AGPS: variants seen among roughly 807,000 people sequenced by gnomAD.
The protein encoded by AGPS is alkyldihydroxyacetonephosphate synthase, peroxisomal.
In AGPS, 26 loss-of-function variants were observed where a neutral mutation model predicts 90.7. The observed-to-expected ratio is 0.29, with a 90% CI of 0.21 to 0.40. AGPS has a LOEUF of 0.40. Ranked by LOEUF, AGPS falls within the 10% of genes least tolerant of loss-of-function variation. The pLI, the probability that AGPS is intolerant of heterozygous loss-of-function variation, is 1.00. For synonymous variants in AGPS, 294 were observed against 285.3 expected (o/e 1.03, Z -0.31); for missense variants, 540 against 816.1 (o/e 0.66, Z 4.12).
At chr2:177,509,341 T>C (rs915814302) in intron 16 of AGPS, among the ~76,000 whole-genome samples, 1 of 152,168 alleles carries the variant, frequency 6.6e-6, no homozygotes, top group African/African-American at 2.4e-5. Flanking sequence ...AATAAAAAAA[T>C]TATCAAGTCA....
intron 9 of AGPS, among the ~76,000 whole-genome samples, chr2:177,465,406 C>T (rs1344460556): frequency 6.6e-6 from 1 of 152,140 alleles, no homozygotes; most frequent in Non-Finnish European, 1.5e-5. Context: ...TAGCCAGAAA[C>T]TTCTGTCTGG....
chr2:177,538,522 AAGAC>A lies in AGPS; in HGVS notation c.*331_*334del. The A allele has an allele frequency of 2.9e-6, 1 of 348,184 alleles. No individual in the cohort carries two copies. Among genetic ancestry groups the A allele is most frequent in the South Asian group, 2.6e-5 (1 of 38,982 alleles). 21.6% of individuals were successfully genotyped at this position (348,184 alleles called of 1,614,324 possible). A position where few individuals can be genotyped will look rare whatever the true frequency, so the allele number is the denominator to read the frequency against. On this transcript the variant is annotated 3_prime_UTR_variant, in exon 20 of 20. Coordinates refer to ENST00000264167, the MANE Select transcript of AGPS (RefSeq NM_003659.4). ...TATTGTTGCTTCCTCTTGGGGAACA[AAGAC>A]AGATTTGGTATCATTGATTGCTCAG...
rs1467902891 is a variant in AGPS, at chr2:177,516,581, C to T, written c.1697+2673C>T. Reference sequence around the variant, plus strand: ...CATAAGGTGTTTTTCATTATTTGGACTTGTCTGAGATACTAATCAATCAGG... The same window carrying T: ...CATAAGGTGTTTTTCATTATTTGGATTTGTCTGAGATACTAATCAATCAGG... On this transcript the variant is annotated intron_variant, in intron 17 of 19. Coordinates refer to ENST00000264167, the MANE Select transcript of AGPS (RefSeq NM_003659.4). Among the ~76,000 whole-genome samples, 6 of 152,158 alleles carry T rather than the reference C, an allele frequency of 3.9e-5. No homozygotes were observed. In the South Asian group the frequency reaches 8.3e-4, roughly 21 times the overall value.
chr2:177,519,667 A>G (rs1689124134), intron 17 of AGPS, among the ~76,000 whole-genome samples: 1 of 152,146 alleles, frequency 6.6e-6, no homozygotes, highest in Admixed American at 6.5e-5. Context: ...TTCTACCCAG[A>G]ATCTTTAAGT....
chr2:177,434,474 AATTTG>A (rs1024951809), intron 3 of AGPS, 57 bp downstream of exon 3: 10 of 1,266,942 alleles, frequency 7.9e-6, no homozygotes, highest in Non-Finnish European at 1.1e-5. Context: ...AACCCAAATT[AATTTG>A]ATTTATCTTT....
At chr2:177,512,433 A>T (rs1238851308) in intron 16 of AGPS, among the ~76,000 whole-genome samples, 1 of 152,208 alleles carries the variant, frequency 6.6e-6, no homozygotes, top group Non-Finnish European at 1.5e-5. Context: ...AAAATGTGAC[A>T]TGCTAATAAG....
chr2:177,497,852 GT>G (rs560693209), intron 13 of AGPS, 87 bp downstream of exon 13: 104 of 575,380 alleles, frequency 1.8e-4, no homozygotes, highest in Middle Eastern at 3.8e-4. Flanking sequence ...TTGTAAGGGT[GT>G]TTTTCCATGT....
chr2:177,462,055 A>C, intron 9 of AGPS, 37 bp downstream of exon 9: 1 of 1,491,430 alleles, frequency 6.7e-7, no homozygotes, highest in Middle Eastern at 2.0e-4. Flanking sequence ...ATAATTGATT[A>C]GTATATAGAT....
At chr2:177,455,021 G>C (rs1559053670) in intron 8 of AGPS, among the ~76,000 whole-genome samples, 1 of 151,788 alleles carries the variant, frequency 6.6e-6, no homozygotes, top group African/African-American at 2.4e-5. Context: ...CTCATCAGCT[G>C]TTGTTAGTAT....
At chr2:177,491,145 T>TACAC (rs1688243991) in intron 11 of AGPS, among the ~76,000 whole-genome samples, 1 of 150,634 alleles carries the variant, frequency 6.6e-6, no homozygotes, top group Admixed American at 6.6e-5. Flanking sequence ...TGAGCCGCCA[T>TACAC]ACCCAGCCTA....
chr2:177,451,578 C>T (rs1047738714), intron 8 of AGPS, among the ~76,000 whole-genome samples: 6 of 151,918 alleles, frequency 3.9e-5, no homozygotes, highest in East Asian at 1.9e-4. Context: ...TGAAAAGAAG[C>T]GAGACTTGTT....
intron 8 of AGPS, among the ~76,000 whole-genome samples, chr2:177,451,480 G>A (rs938961778): frequency 5.9e-5 from 9 of 151,848 alleles, no homozygotes; most frequent in African/African-American, 2.2e-4. Context: ...ACTATGTTGT[G>A]TGTGAATAAA....
At chr2:177,398,332 A>G (rs1198115509) in intron 1 of AGPS, among the ~76,000 whole-genome samples, 1 of 152,232 alleles carries the variant, frequency 6.6e-6, no homozygotes, top group Non-Finnish European at 1.5e-5. Context: ...TTAATTGACT[A>G]AGTCCTAATA....
intron 2 of AGPS, among the ~76,000 whole-genome samples, chr2:177,422,789 T>C (rs1219629376): frequency 6.6e-6 from 1 of 152,224 alleles, no homozygotes; most frequent in Non-Finnish European, 1.5e-5. Flanking sequence ...AATCATAACT[T>C]TCTCTATATC....
At chr2:177,446,918 T>C (rs2105645044) in intron 8 of AGPS, among the ~76,000 whole-genome samples, 1 of 152,310 alleles carries the variant, frequency 6.6e-6, no homozygotes, top group South Asian at 2.1e-4. Flanking sequence ...TATAGTACCT[T>C]TTTGGGATCC....
chr2:177,535,691 C>T (rs984096954), intron 19 of AGPS, among the ~76,000 whole-genome samples: 9 of 152,214 alleles, frequency 5.9e-5, no homozygotes, highest in Non-Finnish European at 8.8e-5. Context: ...GTGTTTTCTA[C>T]CTGTATATGT....
At chr2:177,420,492 T>A (rs1685912835) in intron 2 of AGPS, 134 bp downstream of exon 2, 1 of 682,740 alleles carries the variant, frequency 1.5e-6, no homozygotes, top group African/African-American at 1.8e-5. Context: ...AACTGCTTTT[T>A]GTCTCCTGGT....
Position 177,397,649 on chromosome 2 carries a change from C to T in AGPS, c.260+4600C>T, listed in dbSNP as rs117872663. Among the ~76,000 whole-genome samples the T allele has an allele frequency of 4.0e-3, 612 of 152,220 alleles. 5 individuals carry two copies. Among genetic ancestry groups the T allele is most frequent in the East Asian group, 0.032 (167 of 5,180 alleles). On this transcript the variant is annotated intron_variant, in intron 1 of 19. Coordinates refer to ENST00000264167, the MANE Select transcript of AGPS (RefSeq NM_003659.4). Reference sequence around the variant, plus strand: ...AGTTTTTACGGAGGTTATAAATGTTCAGGTCAAAAGAATGATTAAGAACGC... The same window carrying T: ...AGTTTTTACGGAGGTTATAAATGTTTAGGTCAAAAGAATGATTAAGAACGC...
Position 177,392,971 on chromosome 2 carries a change from G to T in AGPS, c.182G>T (p.Arg61Leu). The change falls in exon 1 of 20, where the codon CGG (arginine) becomes CTG (leucine). Residue 61 changes from arginine to leucine, a missense_variant. Arg to Leu is a moderately radical substitution (Grantham distance 102, BLOSUM62 -2). Coordinates refer to ENST00000264167, the MANE Select transcript of AGPS (RefSeq NM_003659.4). ...EALSTNECKA[R>L]RAASAATAAP... ...CTGAGTACCAATGAGTGCAAAGCGC[G>T]GAGAGCCGCGTCGGCGGCCACGGCA... is the stretch of plus-strand genomic sequence containing the variant. The T allele has an allele frequency of 6.5e-7, 1 of 1,550,018 alleles. No individual in the cohort carries two copies.
Sources: gnomAD v4.1 joint callset for allele counts (sites outside exome capture counted in the v4.1 genomes callset) on GRCh38, gnomAD v4.1.1 for gene constraint, MANE v1.5 for transcripts, NCBI Gene and HGNC (gene_info 2026-07-23, HGNC 2026-07-21) for gene names.